The following PTPRZ1 variants were observed in gnomAD, a reference collection of about 807,000 sequenced individuals.
PTPRZ1 encodes receptor-type tyrosine-protein phosphatase zeta.
PTPRZ1 carries 82 observed loss-of-function variants against 214.1 expected under a neutral mutation model. The observed-to-expected ratio is 0.38, with a 90% CI of 0.32 to 0.46. The LOEUF is 0.46. PTPRZ1 is among the 20% of genes least tolerant of loss of function. The probability of loss-of-function intolerance (pLI) is 1.00; values close to 1 mark genes in which losing one functional copy is unlikely to be tolerated. For synonymous variants in PTPRZ1, 945 were observed against 987.9 expected, an observed-to-expected ratio of 0.96 and a Z score of 0.81; for missense variants, 2,603 against 2,748.7, an observed-to-expected ratio of 0.95 and a Z score of 1.19.
chr7:121,908,142 G>T (rs1215684266), intron 1 of PTPRZ1, among the ~76,000 whole-genome samples: 1 of 152,076 alleles, frequency 6.6e-6, no homozygotes. Context: ...ATTAAGAAGG[G>T]TTAATCATTT....
intron 3 of PTPRZ1, among the ~76,000 whole-genome samples, chr7:121,969,010 G>GCTGGATC (rs1797131871): frequency 6.6e-6 from 1 of 152,138 alleles, no homozygotes; most frequent in African/African-American, 2.4e-5. Context: ...GGCCGAAGTG[G>GCTGGATC]CTGGATCACT....
intron 1 of PTPRZ1, among the ~76,000 whole-genome samples, chr7:121,910,687 C>T (rs1366902512): frequency 6.6e-6 from 1 of 151,970 alleles, no homozygotes; most frequent in Non-Finnish European, 1.5e-5. Context: ...AAACAAGGGA[C>T]ACAAGTTAGG....
intron 25 of PTPRZ1, 62 bp downstream of exon 25, chr7:122,052,001 G>A (rs1792202265): frequency 1.5e-6 from 2 of 1,378,604 alleles, no homozygotes; most frequent in Non-Finnish European, 9.9e-7. Context: ...AAACCAGAAT[G>A]GGCTGCCAGA....
At chr7:121,940,560 T>C (rs1407651042) in intron 2 of PTPRZ1, among the ~76,000 whole-genome samples, 2 of 152,338 alleles carry the variant, frequency 1.3e-5, no homozygotes, top group Non-Finnish European at 2.9e-5. Context: ...TCCCAAAGTT[T>C]TTCACCTGTA....
At chr7:122,042,443 T>A (rs1021234626) in intron 21 of PTPRZ1, among the ~76,000 whole-genome samples, 165 bp from the exon 22 acceptor site, 2 of 152,242 alleles carry the variant, frequency 1.3e-5, no homozygotes, top group African/African-American at 4.8e-5. Context: ...AGCATTACGC[T>A]TAATTACTAA....
At chr7:121,894,587 G>C (rs937825731) in intron 1 of PTPRZ1, among the ~76,000 whole-genome samples, 1 of 151,942 alleles carries the variant, frequency 6.6e-6, no homozygotes, top group South Asian at 2.1e-4. Flanking sequence ...TGTATTTTTT[G>C]TAGAGACACG....
At chr7:121,892,665 T>G (rs1043203808) in intron 1 of PTPRZ1, among the ~76,000 whole-genome samples, 3 of 135,762 alleles carry the variant, frequency 2.2e-5, no homozygotes, top group South Asian at 2.3e-4. Context: ...TATCTTAGAG[T>G]TCTTCAAGCA....
chr7:121,949,324 GACT>G (rs1484516853), intron 2 of PTPRZ1, among the ~76,000 whole-genome samples: 1 of 152,184 alleles, frequency 6.6e-6, no homozygotes, highest in Non-Finnish European at 1.5e-5. Context: ...TTCCCAGCTT[GACT>G]TTTCCCTTTA....
intron 1 of PTPRZ1, among the ~76,000 whole-genome samples, chr7:121,911,490 T>A (rs1452788311): frequency 6.6e-6 from 1 of 152,134 alleles, no homozygotes; most frequent in Non-Finnish European, 1.5e-5. Context: ...TTCTTCCATA[T>A]AAATGTTTCT....
In PTPRZ1 at chr7:122,053,701, C is replaced by T. The variant is rs73440970; in HGVS notation, c.6253-209C>T. ...TCACAGTATTGCTGTGAGGAACAAACGATTTAAGAGAAAAAAAAACACATA... is the reference window on the plus strand; with the variant it reads ...TCACAGTATTGCTGTGAGGAACAAATGATTTAAGAGAAAAAAAAACACATA... On this transcript the variant is annotated intron_variant, in intron 25 of 29. Transcript: ENST00000393386. 5.4e-3 allele frequency among the ~76,000 whole-genome samples: 817 copies of T among 151,804 alleles called. 7 individuals are homozygous for T. The highest frequency in any genetic ancestry group is 0.018 in the African/African-American group (757 of 41,356).
At chr7:122,057,388 T>C (rs548415554) in intron 27 of PTPRZ1, among the ~76,000 whole-genome samples, 1 of 151,960 alleles carries the variant, frequency 6.6e-6, no homozygotes. Flanking sequence ...TTTACATAAA[T>C]AATATTTTTA....
intron 2 of PTPRZ1, among the ~76,000 whole-genome samples, chr7:121,941,213 G>A (rs1297171848): frequency 6.6e-6 from 1 of 152,196 alleles, no homozygotes; most frequent in Non-Finnish European, 1.5e-5. Flanking sequence ...TTTACAAATG[G>A]AGAAATAAAG....
intron 15 of PTPRZ1, among the ~76,000 whole-genome samples, chr7:122,033,089 ATAAT>A (rs1199685177): frequency 6.6e-6 from 1 of 152,026 alleles, no homozygotes; most frequent in African/African-American, 2.4e-5. Context: ...GCAGTCCAAA[ATAAT>A]TAAATTAATA....
At chr7:121,983,039 C>T (rs1310818505) in intron 6 of PTPRZ1, among the ~76,000 whole-genome samples, 2 of 152,174 alleles carry the variant, frequency 1.3e-5, no homozygotes. Flanking sequence ...GGCTTCTTTA[C>T]AGGCGTGAGC....
At chr7:121,946,741 G>A (rs898072694) in intron 2 of PTPRZ1, among the ~76,000 whole-genome samples, 1 of 152,110 alleles carries the variant, frequency 6.6e-6, no homozygotes, top group Non-Finnish European at 1.5e-5. Flanking sequence ...AGTGATCAAA[G>A]TAAACGTCAG....
chr7:121,908,650 C>T, intron 1 of PTPRZ1: 1 of 437,230 alleles, frequency 2.3e-6, no homozygotes, highest in South Asian at 1.7e-5. Context: ...AAGTAAGCAG[C>T]TTTTAAAAAT....
intron 13 of PTPRZ1, 141 bp downstream of exon 13, chr7:122,019,409 A>C (rs1481383244): frequency 2.4e-6 from 2 of 821,778 alleles, no homozygotes; most frequent in East Asian, 2.7e-5. Flanking sequence ...AAATTTGTGA[A>C]TCCAAAGGCA....
In PTPRZ1 at chr7:122,016,779, C is replaced by A. The variant is rs190854285; in HGVS notation, c.4844-2345C>A. The stretch of plus-strand genomic sequence containing the variant: ...AAATATGTAATTATATATATATATA[C>A]CCATATACATGTTGCTTTGAAAATT... On this transcript the variant is annotated intron_variant, in intron 12 of 29. Coordinates refer to ENST00000393386, the MANE Select transcript of PTPRZ1 (RefSeq NM_002851.3). 2.8e-4 allele frequency among the ~76,000 whole-genome samples: 42 copies of A among 151,162 alleles called. 1 individual carries two copies. Among genetic ancestry groups the A allele is most frequent in the African/African-American group, 8.2e-4 (34 of 41,222 alleles).
intron 28 of PTPRZ1, 83 bp downstream of exon 28, chr7:122,059,025 T>A: frequency 7.6e-7 from 1 of 1,310,258 alleles, no homozygotes; most frequent in Non-Finnish European, 1.0e-6. Context: ...ACAAACCTAA[T>A]GCTTTGGACC....
Sources: gnomAD v4.1 joint callset for allele counts (sites outside exome capture counted in the v4.1 genomes callset) on GRCh38, gnomAD v4.1.1 for gene constraint, MANE v1.5 for transcripts, NCBI Gene and HGNC (gene_info 2026-07-23, HGNC 2026-07-21) for gene names.